SPHKAP: variants seen among roughly 807,000 people sequenced by gnomAD.
SPHKAP encodes SPHK1 interactor, AKAP domain containing.
In SPHKAP, 67 loss-of-function variants were observed where a neutral mutation model predicts 137.5. The ratio of observed to expected loss-of-function variants is 0.49; its 90% CI spans 0.40 to 0.60. The LOEUF (loss-of-function observed/expected upper bound fraction) is 0.60, where lower values mean the gene tolerates loss of function less well. SPHKAP is among the 20% of genes least tolerant of loss of function. SPHKAP has a pLI of 0.00. For missense variants in SPHKAP, 2,097 were observed against 2,069.3 expected (o/e 1.01, Z -0.26); for synonymous variants, 813 against 785.3 (o/e 1.04, Z -0.59).
chr2:228,175,388 A>G (rs1339860570), intron 1 of SPHKAP, among the ~76,000 whole-genome samples: 1 of 152,218 alleles, frequency 6.6e-6, no homozygotes, highest in Non-Finnish European at 1.5e-5. Flanking sequence ...AAAATATGTG[A>G]TGATATTAGC....
intron 3 of SPHKAP, among the ~76,000 whole-genome samples, chr2:228,090,724 A>C (rs1697699746): frequency 6.6e-6 from 1 of 151,652 alleles, no homozygotes; most frequent in South Asian, 2.1e-4. Flanking sequence ...GTTCTCACTC[A>C]GTTCATGTGA....
At chr2:228,039,456 T>C (rs1198294197) in intron 3 of SPHKAP, among the ~76,000 whole-genome samples, 2 of 152,188 alleles carry the variant, frequency 1.3e-5, no homozygotes, top group East Asian at 3.8e-4. Flanking sequence ...TTTAGTATTA[T>C]GGGTTATTAG....
chr2:228,077,517 A>T (rs2106310144), intron 3 of SPHKAP, among the ~76,000 whole-genome samples: 1 of 152,264 alleles, frequency 6.6e-6, no homozygotes, highest in East Asian at 1.9e-4. Flanking sequence ...TGAAGATTTG[A>T]CTGCCCTGCT....
intron 3 of SPHKAP, among the ~76,000 whole-genome samples, chr2:228,089,517 C>T (rs963792363): frequency 1.7e-4 from 26 of 152,298 alleles, no homozygotes; most frequent in African/African-American, 5.5e-4. Flanking sequence ...TGTGGAAGAA[C>T]CACCTGCTAA....
At chr2:228,098,239 G>T (rs1049627527) in intron 3 of SPHKAP, among the ~76,000 whole-genome samples, 1 of 152,046 alleles carries the variant, frequency 6.6e-6, no homozygotes, top group Admixed American at 6.5e-5. Flanking sequence ...AATTACTGAT[G>T]TTGAGCATTT....
At position 227,981,458 on chromosome 2, in the gene SPHKAP, C is replaced by G; in HGVS notation, c.*259G>C. The G allele has an allele frequency of 3.4e-6, 1 of 295,312 alleles. No homozygotes were observed. 18.3% of individuals were successfully genotyped at this position (295,312 alleles called of 1,614,324 possible). On this transcript the variant is annotated 3_prime_UTR_variant, in exon 12 of 12. Transcript: ENST00000392056. ...CATTATAAGCATTCTAATTTGGGCC[C>G]CATTGAATTCTCTCTTTGTCCAGCC...
intron 1 of SPHKAP, among the ~76,000 whole-genome samples, chr2:228,172,451 T>C (rs13415645): frequency 0.13 from 20,494 of 152,116 alleles, 1,388 homozygotes; most frequent in East Asian, 0.2. Flanking sequence ...TCTTCCAACT[T>C]CATCGTCATA....
At chr2:228,106,312 A>G (rs1207901878) in intron 3 of SPHKAP, among the ~76,000 whole-genome samples, 1 of 152,186 alleles carries the variant, frequency 6.6e-6, no homozygotes, top group African/African-American at 2.4e-5. Flanking sequence ...AACCAATCAC[A>G]ACTGGATATG....
intron 3 of SPHKAP, among the ~76,000 whole-genome samples, chr2:228,056,227 T>C (rs1696438502): frequency 6.6e-6 from 1 of 152,208 alleles, no homozygotes; most frequent in Non-Finnish European, 1.5e-5. Context: ...GAAGGTGGAC[T>C]CATGAAGAGA....
At chr2:228,062,992 G>C (rs147272991) in intron 3 of SPHKAP, among the ~76,000 whole-genome samples, 1 of 152,158 alleles carries the variant, frequency 6.6e-6, no homozygotes, top group South Asian at 2.1e-4. Flanking sequence ...GAGTACAGAA[G>C]AAATTATGTG....
At chr2:228,025,048 T>A (rs1694982302) in intron 5 of SPHKAP, among the ~76,000 whole-genome samples, 1 of 152,210 alleles carries the variant, frequency 6.6e-6, no homozygotes, top group South Asian at 2.1e-4. Context: ...GAAATAGAAT[T>A]TTCATACTGC....
At chr2:228,130,759 T>G (rs1405170040) in intron 2 of SPHKAP, among the ~76,000 whole-genome samples, 1 of 152,188 alleles carries the variant, frequency 6.6e-6, no homozygotes, top group African/African-American at 2.4e-5. Flanking sequence ...AGCTCTTTTA[T>G]GAATAACTTG....
chr2:228,024,067 C>G (rs998057514), intron 5 of SPHKAP, among the ~76,000 whole-genome samples: 1 of 152,160 alleles, frequency 6.6e-6, no homozygotes. Context: ...AGAGAAAAAT[C>G]CATGTGTTGA....
In SPHKAP at chr2:228,018,432, G is replaced by A. The variant is rs1694696430; in HGVS notation, c.2422C>T (p.Pro808Ser). 2 of 1,613,956 alleles carry A rather than the reference G, an allele frequency of 1.2e-6. No homozygotes were observed. Among genetic ancestry groups the A allele is most frequent in the African/African-American group, 2.7e-5 (2 of 75,040 alleles). Reference sequence around the variant, plus strand: ...CGTGATAATTGTGACTGCAGCGTGGGGTTCTTGAAGAGGCCTGGCCTCACT... The same window carrying A: ...CGTGATAATTGTGACTGCAGCGTGGAGTTCTTGAAGAGGCCTGGCCTCACT... ...GGVRPGLFKN[P>S]TLQSQLSRSH... The change falls in exon 7 of 12, where the codon CCC (proline) becomes TCC (serine). Residue 808 changes from proline (P) to serine (S), a missense_variant. Coordinates refer to ENST00000392056, the MANE Select transcript of SPHKAP (RefSeq NM_001142644.2).
At chr2:228,162,265 C>T (rs1177814543) in intron 1 of SPHKAP, among the ~76,000 whole-genome samples, 1 of 152,160 alleles carries the variant, frequency 6.6e-6, no homozygotes, top group African/African-American at 2.4e-5. Context: ...CAGATGCTTC[C>T]TGCCTTTTTA....
chr2:228,165,694 C>A (rs1382119190), intron 1 of SPHKAP, among the ~76,000 whole-genome samples: 1 of 152,122 alleles, frequency 6.6e-6, no homozygotes, highest in Non-Finnish European at 1.5e-5. Flanking sequence ...GCAAATTATC[C>A]CCCAAAAGAT....
At chr2:228,163,753 G>T (rs923586267) in intron 1 of SPHKAP, among the ~76,000 whole-genome samples, 1 of 152,144 alleles carries the variant, frequency 6.6e-6, no homozygotes, top group Non-Finnish European at 1.5e-5. Context: ...AACCTGTTGG[G>T]TGACTGTTTC....
intron 2 of SPHKAP, among the ~76,000 whole-genome samples, chr2:228,125,739 C>T (rs1295578794): frequency 6.6e-6 from 1 of 151,762 alleles, no homozygotes; most frequent in Non-Finnish European, 1.5e-5. Context: ...GTGTAAAATC[C>T]CTTAGATTCA....
intron 3 of SPHKAP, among the ~76,000 whole-genome samples, chr2:228,029,539 G>A (rs1482067822): frequency 6.6e-6 from 1 of 152,110 alleles, no homozygotes; most frequent in East Asian, 1.9e-4. Flanking sequence ...TGGGCATTAG[G>A]GGGAAGAAAG....
Sources: gnomAD v4.1 joint callset for allele counts (sites outside exome capture counted in the v4.1 genomes callset) on GRCh38, gnomAD v4.1.1 for gene constraint, MANE v1.5 for transcripts, NCBI Gene and HGNC (gene_info 2026-07-23, HGNC 2026-07-21) for gene names.